ARMC8: variants seen among roughly 807,000 people sequenced by gnomAD.
ARMC8 encodes the protein armadillo repeat containing 8, also known as armadillo repeat-containing protein 8.
A neutral mutation model predicts 99.3 loss-of-function variants in ARMC8; 20 were observed. The observed-to-expected ratio is 0.20, with a 90% CI of 0.14 to 0.29. ARMC8 has a LOEUF of 0.29. Ranked by LOEUF, ARMC8 falls within the 10% of genes least tolerant of loss-of-function variation. The probability of loss-of-function intolerance (pLI) is 1.00; values close to 1 mark genes in which losing one functional copy is unlikely to be tolerated. For synonymous variants in ARMC8, 263 were observed against 278.3 expected, an observed-to-expected ratio of 0.95 and a Z score of 0.55; for missense variants, 569 against 809.5, an observed-to-expected ratio of 0.70 and a Z score of 3.60.
intron 7 of ARMC8, among the ~76,000 whole-genome samples, chr3:138,235,829 A>C (rs1331926251): frequency 1.6e-5 from 2 of 122,694 alleles, no homozygotes; most frequent in Non-Finnish European, 3.2e-5. Flanking sequence ...TTTTTGAGAC[A>C]GAGTCTCGCT....
intron 5 of ARMC8, among the ~76,000 whole-genome samples, chr3:138,227,666 C>T (rs1293317822): frequency 1.3e-5 from 2 of 152,144 alleles, no homozygotes; most frequent in Non-Finnish European, 1.5e-5. Context: ...TCTTATTCCT[C>T]CCAACAAGGG....
At chr3:138,274,008 G>A (rs958714183) in intron 17 of ARMC8, among the ~76,000 whole-genome samples, 4 of 152,062 alleles carry the variant, frequency 2.6e-5, no homozygotes, top group African/African-American at 9.7e-5. Flanking sequence ...AGTAGAGACG[G>A]GGTTTTGCCG....
rs2046641188 is a variant in ARMC8 at position 138,241,836 on chromosome 3, AG to A, written c.892del (p.Val298LeufsTer10). 6.2e-7 allele frequency: 1 copy of A among 1,613,872 alleles called. No individual in the cohort carries two copies. Among genetic ancestry groups the A allele is most frequent in the Non-Finnish European group, 8.5e-7 (1 of 1,179,986 alleles). On this transcript the variant is annotated frameshift_variant, in exon 11 of 22. Coordinates refer to ENST00000469044, the MANE Select transcript of ARMC8 (RefSeq NM_001363941.2). LOFTEE classifies it high-confidence loss of function. ...CSKERLLEER[V>X]EGAETLAYLI... ...GTAAGGAGAGATTACTAGAGGAGAG[AG>A]TTGAAGGAGCTGAGACACTTGCCTA... is the stretch of plus-strand genomic sequence containing the variant.
Position 138,229,243 on chromosome 3 carries a change from C to T in ARMC8, c.528+233C>T, listed in dbSNP as rs572185862. Among the ~76,000 whole-genome samples, 8 of 138,298 alleles carry T rather than the reference C, an allele frequency of 5.8e-5. No homozygotes were observed. In the East Asian group the frequency reaches 1.0e-3, roughly 18 times the overall value. The allele number at this position is 138,298 out of a possible 152,430, so 90.7% of individuals were successfully genotyped here. ...TATATATTTAAAACACAAATGACAG[C>T]ATACCATACATACTGTTCTGCACCT... On this transcript the variant is annotated intron_variant, in intron 6 of 21. Transcript: ENST00000469044.
At chr3:138,285,617 A>G (rs2050334995) in intron 19 of ARMC8, among the ~76,000 whole-genome samples, 2 of 152,074 alleles carry the variant, frequency 1.3e-5, no homozygotes, top group Non-Finnish European at 2.9e-5. Context: ...ATTCCTCATT[A>G]CTGCATTTTG....
Position 138,284,463 on chromosome 3 carries a change from G to C in ARMC8, c.1758G>C (p.Gly586=). 6.2e-7 allele frequency: 1 copy of C among 1,613,754 alleles called. No individual in the cohort carries two copies. Among genetic ancestry groups the C allele is most frequent in the Non-Finnish European group, 8.5e-7 (1 of 1,179,722 alleles). Residue 586 remains glycine (G), a synonymous_variant, in exon 19 of 22, where the codon GGG becomes GGC. Transcript: ENST00000469044. ...GCATCTTAGCCAACATAGCGGATGGGACAACAGCAAAAGATCTTATTATGA... is the reference window on the plus strand; with the variant it reads ...GCATCTTAGCCAACATAGCGGATGGCACAACAGCAAAAGATCTTATTATGA... ...TLCILANIAD[G]TTAKDLIMTN...
chr3:138,242,012 A>C (rs1179546452), intron 11 of ARMC8, 29 bp downstream of exon 11: 2 of 1,593,754 alleles, frequency 1.3e-6, no homozygotes, highest in African/African-American at 1.3e-5. Context: ...TTAGCAGCTC[A>C]AGGGAGATTT....
chr3:138,222,244 CAA>C (rs1222853419), intron 3 of ARMC8, among the ~76,000 whole-genome samples: 2 of 152,164 alleles, frequency 1.3e-5, no homozygotes, highest in Non-Finnish European at 2.9e-5. Context: ...GACCTGATGA[CAA>C]AAGGGTTCGT....
At chr3:138,205,930 G>A (rs1324529268) in intron 1 of ARMC8, among the ~76,000 whole-genome samples, 2 of 152,166 alleles carry the variant, frequency 1.3e-5, no homozygotes, top group African/African-American at 4.8e-5. Flanking sequence ...AATGGAAAAA[G>A]GCAAGCCACA....
In ARMC8 at chr3:138,187,327, G is replaced by A; in HGVS notation, c.-228G>A. Reference sequence around the variant, plus strand: ...CTTCCACCTCTAACCCAGGCTCAGAGTAGCTGCTGTTTCTGAGAGAACGAT... The same window carrying A: ...CTTCCACCTCTAACCCAGGCTCAGAATAGCTGCTGTTTCTGAGAGAACGAT... On this transcript the variant is annotated 5_prime_UTR_variant, in exon 1 of 22. Coordinates refer to ENST00000469044, the MANE Select transcript of ARMC8 (RefSeq NM_001363941.2). 2.0e-6 allele frequency: 1 copy of A among 503,630 alleles called. No individual in the cohort carries two copies. Among genetic ancestry groups the A allele is most frequent in the Non-Finnish European group, 3.5e-6 (1 of 281,756 alleles). The allele number at this position is 503,630 out of a possible 1,614,324, so 31.2% of individuals were successfully genotyped here.
At chr3:138,236,057 T>G (rs933875628) in intron 7 of ARMC8, among the ~76,000 whole-genome samples, 1 of 152,122 alleles carries the variant, frequency 6.6e-6, no homozygotes, top group Non-Finnish European at 1.5e-5. Context: ...CCGCCTGCCT[T>G]GGCCTCCCAA....
chr3:138,278,169 T>C (rs2049490959), intron 18 of ARMC8, among the ~76,000 whole-genome samples: 1 of 152,310 alleles, frequency 6.6e-6, no homozygotes, highest in East Asian at 1.9e-4. Context: ...GTGATAGAAC[T>C]GCTCTGTAAA....
intron 1 of ARMC8, among the ~76,000 whole-genome samples, chr3:138,190,453 A>AT (rs1359797098): frequency 3.3e-5 from 5 of 151,530 alleles, no homozygotes; most frequent in South Asian, 2.1e-4. Context: ...TGCCTGGCTA[A>AT]TTTTTTTGTA....
In ARMC8 at chr3:138,267,072, T is replaced by A. The variant is rs184930932; in HGVS notation, c.1300-83T>A. ...TCAGGTTGAAAGATAATTGTTCTTG[T>A]TTTTATTTATATTTTATATCTCATT... On this transcript the variant is annotated intron_variant, in intron 14 of 21. Coordinates refer to ENST00000469044, the MANE Select transcript of ARMC8 (RefSeq NM_001363941.2). The A allele has an allele frequency of 4.2e-4, 322 of 757,924 alleles. 1 individual carries two copies. The African/African-American group carries it at 5.2e-3, about 12-fold the overall frequency. 46.9% of individuals were successfully genotyped at this position (757,924 alleles called of 1,614,324 possible).
intron 1 of ARMC8, among the ~76,000 whole-genome samples, chr3:138,192,162 ATTATTT>A (rs1396125928): frequency 6.6e-6 from 1 of 151,220 alleles, no homozygotes; most frequent in African/African-American, 2.4e-5. Flanking sequence ...TGATACTGTT[ATTATTT>A]TTATTTTAGC....
chr3:138,206,447 T>G (rs927398470), intron 1 of ARMC8, among the ~76,000 whole-genome samples: 3 of 152,208 alleles, frequency 2.0e-5, no homozygotes, highest in African/African-American at 7.2e-5. Flanking sequence ...GCTCCAGCTA[T>G]AATGGCCTCC....
intron 5 of ARMC8, among the ~76,000 whole-genome samples, chr3:138,224,948 A>T (rs539543919): frequency 4.4e-4 from 67 of 152,240 alleles, no homozygotes; most frequent in African/African-American, 1.6e-3. Flanking sequence ...TTTACGCTAG[A>T]TGAATGATAG....
At position 138,277,975 on chromosome 3, in the gene ARMC8, C is replaced by T. The variant is rs76192335; in HGVS notation, c.1725+3431C>T. ...ACATGGATGAATCTCAAATGCATTA[C>T]GCTACATGAAAGATGCCAGATACAA... On this transcript the variant is annotated intron_variant, in intron 18 of 21. Coordinates refer to ENST00000469044, the MANE Select transcript of ARMC8 (RefSeq NM_001363941.2). Among the ~76,000 whole-genome samples the T allele has an allele frequency of 1.9e-3, 284 of 152,214 alleles. 1 individual carries two copies. The highest frequency in any genetic ancestry group is 6.3e-3 in the African/African-American group (263 of 41,528).
intron 1 of ARMC8, among the ~76,000 whole-genome samples, chr3:138,209,194 G>A (rs892364435): frequency 1.1e-4 from 17 of 152,110 alleles, no homozygotes; most frequent in African/African-American, 3.4e-4. Flanking sequence ...TTAATTATAC[G>A]TACATGACAC....
Sources: allele counts gnomAD v4.1 joint callset (sites outside exome capture counted in the v4.1 genomes callset), GRCh38; gene constraint gnomAD v4.1.1; transcripts MANE v1.5; gene names NCBI Gene and HGNC (gene_info 2026-07-23, HGNC 2026-07-21).